Variants in PCDHGA2 observed in about 807,000 individuals in gnomAD.
PCDHGA2 encodes protocadherin gamma subfamily A, 2.
A neutral mutation model predicts 59.2 loss-of-function variants in PCDHGA2; 40 were observed. The ratio of observed to expected loss-of-function variants is 0.68; its 90% CI spans 0.52 to 0.88. PCDHGA2 has a LOEUF of 0.88. Ranked by LOEUF, PCDHGA2 falls within the 40% of genes least tolerant of loss-of-function variation. The probability of loss-of-function intolerance (pLI) is 0.00; values close to 1 mark genes in which losing one functional copy is unlikely to be tolerated. For synonymous variants in PCDHGA2, 560 were observed against 526.0 expected, an observed-to-expected ratio of 1.06 and a Z score of -0.89; for missense variants, 1,226 against 1,204.0, an observed-to-expected ratio of 1.02 and a Z score of -0.27.
In PCDHGA2 at chr5:141,487,456, G is replaced by A. The variant is rs1041154635; in HGVS notation, c.2425-7351G>A. Reference sequence around the variant, plus strand: ...AGCTAGGGTCAGATGACCCTATCAAGTTTGTTGATGTGGGAGGCCACTCTC... The same window carrying A: ...AGCTAGGGTCAGATGACCCTATCAAATTTGTTGATGTGGGAGGCCACTCTC... On this transcript the variant is annotated intron_variant, in intron 1 of 3. Coordinates refer to ENST00000394576, the MANE Select transcript of PCDHGA2 (RefSeq NM_018915.4). The surrounding 1 kb of genome is among the most constrained non-coding windows in gnomAD (Gnocchi z 5.0). 6.2e-7 allele frequency: 1 copy of A among 1,614,196 alleles called. No individual in the cohort carries two copies. The highest frequency in any genetic ancestry group is 8.5e-7 in the Non-Finnish European group (1 of 1,180,026).
chr5:141,418,095 C>T, intron 1 of PCDHGA2: 1 of 1,614,006 alleles, frequency 6.2e-7, no homozygotes, highest in Non-Finnish European at 8.5e-7. Context: ...AGCGTAGACG[C>T]GCAGAGCGGG....
chr5:141,474,962 A>G (rs954703806), intron 1 of PCDHGA2, among the ~76,000 whole-genome samples: 3 of 152,256 alleles, frequency 2.0e-5, no homozygotes, highest in Non-Finnish European at 4.4e-5. Flanking sequence ...CACTATCCTA[A>G]TCATTATAAT....
chr5:141,372,280 C>T, intron 1 of PCDHGA2: 2 of 1,613,164 alleles, frequency 1.2e-6, no homozygotes, highest in Admixed American at 1.7e-5. Flanking sequence ...GTGCGCACGG[C>T]GCGTACCTTG....
At chr5:141,398,496 C>G (rs1435117425) in intron 1 of PCDHGA2, 2 of 1,608,668 alleles carry the variant, frequency 1.2e-6, no homozygotes, top group Admixed American at 1.7e-5. Context: ...ATGTGGAGAT[C>G]GAGGACATTA....
At chr5:141,414,305 A>G (rs2095732833) in intron 1 of PCDHGA2, 2 of 1,613,604 alleles carry the variant, frequency 1.2e-6, no homozygotes, top group African/African-American at 2.7e-5. Flanking sequence ...AATGTGCATG[A>G]TTTAGACTCT....
At chr5:141,410,362 C>A (rs1270552318) in intron 1 of PCDHGA2, 13 of 1,613,954 alleles carry the variant, frequency 8.1e-6, no homozygotes, top group Non-Finnish European at 1.0e-5. Context: ...GCTCTCTCAG[C>A]CCTGCTACTT....
intron 1 of PCDHGA2, chr5:141,408,082 G>C (rs890768118): frequency 2.1e-6 from 3 of 1,417,248 alleles, no homozygotes; most frequent in Non-Finnish European, 1.9e-6. Flanking sequence ...TCCCAGCACA[G>C]CGGATTGCCA....
chr5:141,389,269 A>G, intron 1 of PCDHGA2: 2 of 1,613,976 alleles, frequency 1.2e-6, no homozygotes, highest in Non-Finnish European at 1.7e-6. Flanking sequence ...GTGGCCGAGA[A>G]CAACCCGCCT....
At position 141,491,410 on chromosome 5, in the gene PCDHGA2, G is replaced by A. The variant is rs777207581; in HGVS notation, c.2425-3397G>A. The A allele has an allele frequency of 1.9e-6, 3 of 1,614,024 alleles. No homozygotes were observed. Among genetic ancestry groups the A allele is most frequent in the Admixed American group, 1.7e-5 (1 of 60,006 alleles). ...GTGCCTTCAGGGAAACGCAGACGGGGACGGGGGTGGAGGGCAGTGCTGCAG... is the reference window on the plus strand; with the variant it reads ...GTGCCTTCAGGGAAACGCAGACGGGAACGGGGGTGGAGGGCAGTGCTGCAG... On this transcript the variant is annotated intron_variant, in intron 1 of 3. Transcript: ENST00000394576. The surrounding 1 kb of genome is among the most constrained non-coding windows in gnomAD (Gnocchi z 6.9).
chr5:141,419,777 C>T (rs976849391), intron 1 of PCDHGA2: 3 of 1,614,054 alleles, frequency 1.9e-6, no homozygotes, highest in Admixed American at 3.3e-5. Flanking sequence ...CTCGGTCCGC[C>T]AGCGCCTGCT....
At chr5:141,413,623 G>A (rs1454358985) in intron 1 of PCDHGA2, 2 of 1,613,752 alleles carry the variant, frequency 1.2e-6, no homozygotes, top group African/African-American at 1.3e-5. Flanking sequence ...TAATGAAAAT[G>A]TCGCTGCGGG....
chr5:141,488,186 G>T (rs1005725656), intron 1 of PCDHGA2, among the ~76,000 whole-genome samples: 2 of 152,180 alleles, frequency 1.3e-5, no homozygotes, highest in South Asian at 2.1e-4. Context: ...AGATCTTTTG[G>T]TCTGGGTCTT....
At chr5:141,429,361 A>G (rs2097205912) in intron 1 of PCDHGA2, among the ~76,000 whole-genome samples, 1 of 150,698 alleles carries the variant, frequency 6.6e-6, no homozygotes, top group East Asian at 1.9e-4. Context: ...AATGCATGAG[A>G]AAATGGAGAA....
At chr5:141,343,520 C>A (rs1200493549) in intron 1 of PCDHGA2, among the ~76,000 whole-genome samples, 1 of 152,186 alleles carries the variant, frequency 6.6e-6, no homozygotes, top group African/African-American at 2.4e-5. Context: ...ACGGCCAGTT[C>A]TTTGTTACTG....
At chr5:141,341,541 A>G in intron 1 of PCDHGA2, 146 bp downstream of exon 1, 1 of 1,464,776 alleles carries the variant, frequency 6.8e-7, no homozygotes, top group Non-Finnish European at 9.1e-7. Flanking sequence ...ATTTCTTGGT[A>G]GGTCTTAGTG....
intron 1 of PCDHGA2, chr5:141,430,848 A>G (rs780445178): frequency 1.3e-6 from 2 of 1,581,028 alleles, no homozygotes; most frequent in Admixed American, 1.8e-5. Flanking sequence ...GGATGCACCC[A>G]GATACGCTAT....
chr5:141,355,284 C>A (rs548905369), intron 1 of PCDHGA2: 4 of 1,613,732 alleles, frequency 2.5e-6, no homozygotes, highest in Non-Finnish European at 1.7e-6. Flanking sequence ...AAATCAGGGC[C>A]GAACAGATTC....
intron 1 of PCDHGA2, chr5:141,388,988 A>G (rs756635794): frequency 6.2e-7 from 1 of 1,614,076 alleles, no homozygotes; most frequent in Non-Finnish European, 8.5e-7. Flanking sequence ...CTTTGCTCAA[A>G]GTCCGTGACA....
chr5:141,509,864 A>G (rs2099878667), intron 3 of PCDHGA2, among the ~76,000 whole-genome samples: 1 of 152,262 alleles, frequency 6.6e-6, no homozygotes, highest in East Asian at 1.9e-4. Context: ...GATAAGGTCC[A>G]AGCTGCTGGT....
Sources: allele counts gnomAD v4.1 joint callset (sites outside exome capture counted in the v4.1 genomes callset), GRCh38; gene constraint gnomAD v4.1.1; non-coding constraint Gnocchi (gnomAD v3.1); transcripts MANE v1.5; gene names NCBI Gene and HGNC (gene_info 2026-07-23, HGNC 2026-07-21).